The following TNRC6C variants were observed in gnomAD, a reference collection of about 807,000 sequenced individuals.
The protein encoded by TNRC6C is trinucleotide repeat containing adaptor 6C.
In TNRC6C, 20 loss-of-function variants were observed where a neutral mutation model predicts 153.7. The ratio of observed to expected loss-of-function variants is 0.13; its 90% CI spans 0.09 to 0.19. TNRC6C has a LOEUF of 0.19. Among genes scored for constraint, TNRC6C ranks in the 10% least tolerant of loss-of-function variants. The pLI, the probability that TNRC6C is intolerant of heterozygous loss-of-function variation, is 1.00. For missense variants in TNRC6C, 1,987 were observed against 2,172.0 expected (o/e 0.91, Z 1.69); for synonymous variants, 811 against 841.4 (o/e 0.96, Z 0.63).
In TNRC6C at chr17:78,075,261, C is replaced by T. The variant is rs2073064864; in HGVS notation, c.3043C>T (p.Pro1015Ser). Reference sequence around the variant, plus strand: ...CTCCAAAGAGTCTTCCGTGGACCGCCCCACCTTTCTTGACAAGGTATGAAT... The same window carrying T: ...CTCCAAAGAGTCTTCCGTGGACCGCTCCACCTTTCTTGACAAGGTATGAAT... Residue 1015 changes from proline to serine, a missense_variant, in exon 8 of 20, where the codon CCC becomes TCC. Physicochemically the swap from Pro to Ser is moderately conservative, Grantham distance 74. Coordinates refer to ENST00000301624, the Ensembl canonical transcript of TNRC6C. The surrounding 1 kb of genome is among the most constrained non-coding windows in gnomAD (Gnocchi z 4.2). 1.3e-6 allele frequency: 2 copies of T among 1,596,156 alleles called. No individual in the cohort carries two copies. Among genetic ancestry groups the T allele is most frequent in the South Asian group, 2.3e-5 (2 of 88,146 alleles).
At chr17:77,975,309 A>G (rs1188255054) in intron 1 of TNRC6C, among the ~76,000 whole-genome samples, 1 of 152,216 alleles carries the variant, frequency 6.6e-6, no homozygotes, top group Non-Finnish European at 1.5e-5. Context: ...ATAACATTCA[A>G]TAAATGTTGA....
chr17:78,051,176 G>A lies in TNRC6C; in HGVS notation c.2114G>A (p.Ser705Asn), dbSNP rs1190322647. The A allele has an allele frequency of 2.5e-6, 4 of 1,577,996 alleles. No homozygotes were observed. In the South Asian group the frequency reaches 3.5e-5, roughly 14 times the overall value. Reference sequence around the variant, plus strand: ...GTACCGGTCAAACAGAAGGACAGCAGTGAAGCAACTGGCTGGGAAGAACCC... The same window carrying A: ...GTACCGGTCAAACAGAAGGACAGCAATGAAGCAACTGGCTGGGAAGAACCC... The change falls in exon 3 of 20, where the codon AGT becomes AAT. Residue 705 changes from serine to asparagine, a missense_variant. Coordinates refer to ENST00000301624, the Ensembl canonical transcript of TNRC6C.
rs545606127 is a variant in TNRC6C, at chr17:78,091,749, G to A, written c.3970+142G>A. On this transcript the variant is annotated intron_variant, in intron 14 of 19. Transcript: ENST00000301624. ...TTAAAATAACCCATTCCATTATAGT[G>A]CATATAAGATCTCAGCTAGTCACTG... 1.5e-4 allele frequency: 145 copies of A among 961,246 alleles called. No individual in the cohort carries two copies. In the Middle Eastern group the frequency reaches 3.4e-3, roughly 23 times the overall value. The allele number at this position is 961,246 out of a possible 1,614,324, so 59.5% of individuals were successfully genotyped here. A position where few individuals can be genotyped will look rare whatever the true frequency, so the allele number is the denominator to read the frequency against.
chr17:78,103,704 C>T (rs1490961265), intron 19 of TNRC6C, among the ~76,000 whole-genome samples, 151 bp downstream of exon 22: 1 of 152,148 alleles, frequency 6.6e-6, no homozygotes, highest in Non-Finnish European at 1.5e-5. Flanking sequence ...AAGTCTGATA[C>T]CCAAGATGAA....
intron 3 of TNRC6C, 61 bp downstream of exon 5, chr17:78,051,509 A>C: frequency 4.1e-5 from 56 of 1,360,274 alleles, no homozygotes; most frequent in Non-Finnish European, 4.9e-5. Context: ...GCTTATTCTC[A>C]TTATATATTC....
chr17:78,051,506 C>A (rs967224462), intron 3 of TNRC6C, 58 bp downstream of exon 5: 1 of 1,309,056 alleles, frequency 7.6e-7, no homozygotes. Flanking sequence ...AAAGCTTATT[C>A]TCATTATATA....
chr17:78,064,181 T>TGAACCG (rs1306255243), intron 3 of TNRC6C, among the ~76,000 whole-genome samples: 3 of 152,186 alleles, frequency 2.0e-5, no homozygotes, highest in Non-Finnish European at 4.4e-5. Flanking sequence ...CTTAACCACT[T>TGAACCG]GGTTCCCGGG....
intron 9 of TNRC6C, 148 bp downstream of exon 11, chr17:78,077,482 C>T: frequency 9.7e-7 from 1 of 1,031,810 alleles, no homozygotes; most frequent in South Asian, 1.6e-5. Context: ...CCAGGATTTC[C>T]CTTCAGGTGA....
chr17:78,044,292 CA>C, intron 2 of TNRC6C, among the ~76,000 whole-genome samples: 1 of 152,310 alleles, frequency 6.6e-6, no homozygotes, highest in South Asian at 2.1e-4. Context: ...ACTTTACCTT[CA>C]AGACTGAAAA....
chr17:78,012,966 G>A (rs761901871), intron 1 of TNRC6C, among the ~76,000 whole-genome samples: 8 of 152,130 alleles, frequency 5.3e-5, no homozygotes, highest in Non-Finnish European at 1.0e-4. Context: ...TATGAATGAG[G>A]TAAGTGCATA....
chr17:77,973,152 C>A (rs2070953545), intron 1 of TNRC6C, among the ~76,000 whole-genome samples: 1 of 152,132 alleles, frequency 6.6e-6, no homozygotes, highest in Non-Finnish European at 1.5e-5. Context: ...GGTGATCCGC[C>A]CGTCTTGACT....
At chr17:78,085,055 A>G (rs1308340876) in intron 11 of TNRC6C, among the ~76,000 whole-genome samples, 2 of 152,324 alleles carry the variant, frequency 1.3e-5, no homozygotes, top group African/African-American at 4.8e-5. Context: ...ACTGACCTCC[A>G]AAGGAAAGGA....
intron 3 of TNRC6C, among the ~76,000 whole-genome samples, chr17:78,054,224 G>A (rs574403055): frequency 2.0e-5 from 3 of 152,194 alleles, no homozygotes; most frequent in Non-Finnish European, 4.4e-5. Context: ...AGTGGAGCTT[G>A]CAGGACTGGA....
Position 78,051,347 on chromosome 17 carries a change from C to T in TNRC6C, c.2285C>T (p.Thr762Ile), listed in dbSNP as rs758940164. ...AGCAGTACCACGACCAATACCACCA[C>T]CACCACCACCACTACCACGAGCAAC... Residue 762 changes from threonine (T) to isoleucine (I), a missense_variant, in exon 3 of 20, where the codon ACC becomes ATC. Coordinates refer to ENST00000301624, the Ensembl canonical transcript of TNRC6C. 3.9e-6 allele frequency: 6 copies of T among 1,551,464 alleles called. No homozygotes were observed. In the South Asian group the frequency reaches 7.1e-5, roughly 18 times the overall value.
intron 17 of TNRC6C, 109 bp from the exon 21 acceptor site, chr17:78,102,365 G>A (rs542325431): frequency 1.8e-4 from 175 of 983,666 alleles, no homozygotes; most frequent in African/African-American, 6.0e-4. Context: ...CCTAAAGCAC[G>A]CAGTGACGGC....
At chr17:77,967,647 G>A (rs567081683) in intron 1 of TNRC6C, among the ~76,000 whole-genome samples, 1 of 152,142 alleles carries the variant, frequency 6.6e-6, no homozygotes, top group Non-Finnish European at 1.5e-5. Flanking sequence ...CTGCCAATAA[G>A]TGCCACTGAC....
chr17:78,103,625 T>A (rs2073636219), intron 19 of TNRC6C, 72 bp downstream of exon 22: 1 of 1,584,854 alleles, frequency 6.3e-7, no homozygotes, highest in Non-Finnish European at 8.6e-7. Flanking sequence ...TTAGGGGTGT[T>A]GCAGGGGTGT....
At chr17:78,077,264 C>G in exon 9 of TNRC6C, 1 of 1,597,480 alleles carries the variant, frequency 6.3e-7, no homozygotes, top group Non-Finnish European at 8.5e-7. Flanking sequence ...TCACACAGTG[C>G]ACTCCCCAGT....
intron 16 of TNRC6C, 69 bp from the exon 19 acceptor site, chr17:78,097,676 A>T: frequency 8.9e-7 from 1 of 1,120,096 alleles, no homozygotes; most frequent in Non-Finnish European, 1.3e-6. Context: ...TGGTTCTCAC[A>T]CCCCACAGTT....
Sources: allele counts gnomAD v4.1 joint callset (sites outside exome capture counted in the v4.1 genomes callset), GRCh38; gene constraint gnomAD v4.1.1; non-coding constraint Gnocchi (gnomAD v3.1); transcripts MANE v1.5; gene names NCBI Gene and HGNC (gene_info 2026-07-23, HGNC 2026-07-21).